NRXN3: variants seen among roughly 807,000 people sequenced by gnomAD.
NRXN3 encodes the protein neurexin III.
NRXN3 carries 32 observed loss-of-function variants against 137.6 expected under a neutral mutation model. The ratio of observed to expected loss-of-function variants is 0.23; its 90% CI spans 0.18 to 0.31. The LOEUF is 0.31. NRXN3 is among the 10% of genes least tolerant of loss of function. The pLI, the probability that NRXN3 is intolerant of heterozygous loss-of-function variation, is 1.00. For missense variants in NRXN3, 1,574 were observed against 2,062.5 expected (o/e 0.76, Z 4.59); for synonymous variants, 798 against 784.5 (o/e 1.02, Z -0.29).
intron 16 of NRXN3, among the ~76,000 whole-genome samples, chr14:79,499,263 C>T (rs1286136489): frequency 6.6e-6 from 1 of 152,154 alleles, no homozygotes; most frequent in African/African-American, 2.4e-5. Flanking sequence ...CCACATCTAC[C>T]ACACCCTGGG....
At chr14:78,201,822 G>A (rs753502558) in intron 1 of NRXN3, among the ~76,000 whole-genome samples, 1 of 152,158 alleles carries the variant, frequency 6.6e-6, no homozygotes, top group Admixed American at 6.5e-5. Context: ...GCTGTCAGCC[G>A]CTCCGACATG....
At chr14:78,282,150 G>A (rs757615004) in intron 3 of NRXN3, 13 of 502,066 alleles carry the variant, frequency 2.6e-5, no homozygotes, top group Non-Finnish European at 4.0e-6. Context: ...ACCCCTGTCA[G>A]GTGCCTTATC....
At chr14:78,702,215 C>T (rs1382736749) in intron 6 of NRXN3, among the ~76,000 whole-genome samples, 4 of 151,692 alleles carry the variant, frequency 2.6e-5, no homozygotes, top group South Asian at 4.1e-4. Context: ...GTGTGTGCAT[C>T]TCATAAATGT....
In NRXN3 at chr14:78,595,076, G is replaced by A. The variant is rs147781518; in HGVS notation, c.758-50044G>A. On this transcript the variant is annotated intron_variant, in intron 4 of 20. Coordinates refer to ENST00000335750, the MANE Select transcript of NRXN3 (RefSeq NM_001330195.2). ...TTGTAAAGGGAGATACAGACAAAAA[G>A]CAAGAGAGCTAAGAAGAAAATGAAA... Among the ~76,000 whole-genome samples the A allele has an allele frequency of 3.2e-3, 491 of 152,320 alleles. 2 individuals are homozygous for A. Among genetic ancestry groups the A allele is most frequent in the Non-Finnish European group, 5.5e-3 (375 of 68,018 alleles).
intron 20 of NRXN3, among the ~76,000 whole-genome samples, chr14:79,851,598 G>T (rs2099391539): frequency 6.6e-6 from 1 of 152,126 alleles, no homozygotes; most frequent in South Asian, 2.1e-4. Context: ...GTTCTTAGGA[G>T]TGGTTGGAAT....
At chr14:78,288,744 T>C (rs1454615127) in intron 3 of NRXN3, among the ~76,000 whole-genome samples, 1 of 152,214 alleles carries the variant, frequency 6.6e-6, no homozygotes, top group Non-Finnish European at 1.5e-5. Flanking sequence ...CCTTTGTCTC[T>C]CTGTCTTCCA....
Position 78,348,754 on chromosome 14 carries a change from T to C in NRXN3, c.757+50894T>C, listed in dbSNP as rs118047573. Reference sequence around the variant, plus strand: ...AGAAACTCTGGGGGCGGAATCCACCTCTCTGTGTTTTCATGAGCTCTGTGG... The same window carrying C: ...AGAAACTCTGGGGGCGGAATCCACCCCTCTGTGTTTTCATGAGCTCTGTGG... On this transcript the variant is annotated intron_variant, in intron 4 of 20. Transcript: ENST00000335750. 2.5e-4 allele frequency among the ~76,000 whole-genome samples: 38 copies of C among 152,254 alleles called. No homozygotes were observed. The East Asian group carries it at 6.8e-3, about 27-fold the overall frequency.
At chr14:79,509,825 A>T (rs1314877434) in intron 16 of NRXN3, among the ~76,000 whole-genome samples, 2 of 152,202 alleles carry the variant, frequency 1.3e-5, no homozygotes, top group Non-Finnish European at 2.9e-5. Context: ...TTTAAAAATC[A>T]AAGTTAGGAC....
At chr14:79,124,615 A>G (rs779683208) in intron 15 of NRXN3, among the ~76,000 whole-genome samples, 4 of 152,174 alleles carry the variant, frequency 2.6e-5, no homozygotes, top group Admixed American at 6.5e-5. Context: ...ACTGTTAAAT[A>G]AACGTGAGTG....
At chr14:79,555,973 A>G (rs2097425552) in intron 16 of NRXN3, among the ~76,000 whole-genome samples, 1 of 152,170 alleles carries the variant, frequency 6.6e-6, no homozygotes, top group African/African-American at 2.4e-5. Flanking sequence ...CTTTTCAGTC[A>G]ACCTCAATGG....
chr14:78,183,964 C>CT (rs962484987), intron 1 of NRXN3, among the ~76,000 whole-genome samples: 1 of 152,134 alleles, frequency 6.6e-6, no homozygotes, highest in African/African-American at 2.4e-5. Flanking sequence ...ATGACAGTCA[C>CT]TTTTTTCTTT....
At chr14:79,279,750 C>G in intron 15 of NRXN3, 1 of 987,802 alleles carries the variant, frequency 1.0e-6, no homozygotes, top group Non-Finnish European at 1.2e-6. Context: ...AACTCTTCCA[C>G]CTGCAGCCCC....
chr14:78,848,032 A>G (rs528139427), intron 10 of NRXN3, among the ~76,000 whole-genome samples: 1 of 152,238 alleles, frequency 6.6e-6, no homozygotes, highest in Non-Finnish European at 1.5e-5. Flanking sequence ...CCTCTGGCTA[A>G]GAACTTATCT....
intron 16 of NRXN3, among the ~76,000 whole-genome samples, chr14:79,546,738 A>G (rs1377762745): frequency 3.3e-5 from 5 of 152,144 alleles, no homozygotes. Context: ...TTCCTGATAT[A>G]CACATTTATC....
At chr14:79,380,156 T>C (rs2094426409) in intron 15 of NRXN3, among the ~76,000 whole-genome samples, 1 of 149,706 alleles carries the variant, frequency 6.7e-6, no homozygotes, top group Non-Finnish European at 1.5e-5. Flanking sequence ...CTTCTTTTTT[T>C]TTTTTTTTTT....
intron 10 of NRXN3, among the ~76,000 whole-genome samples, chr14:78,829,632 CAA>C (rs1444538061): frequency 2.0e-5 from 3 of 152,140 alleles, no homozygotes; most frequent in South Asian, 2.1e-4. Context: ...AGAATCAACT[CAA>C]GTTTATTTTA....
chr14:78,378,407 C>T (rs1422451921), intron 4 of NRXN3, among the ~76,000 whole-genome samples: 1 of 150,754 alleles, frequency 6.6e-6, no homozygotes, highest in Non-Finnish European at 1.5e-5. Context: ...ATCGCTTGAA[C>T]CCGGGACGTG....
chr14:78,469,692 C>A (rs1376666502), intron 4 of NRXN3, among the ~76,000 whole-genome samples: 1 of 152,132 alleles, frequency 6.6e-6, no homozygotes. Flanking sequence ...GGTGGGAAAT[C>A]GCCCTGAAAA....
chr14:79,260,691 C>A (rs1416801485), intron 15 of NRXN3, among the ~76,000 whole-genome samples: 1 of 152,000 alleles, frequency 6.6e-6, no homozygotes, highest in Non-Finnish European at 1.5e-5. Context: ...AGCAGGCAGC[C>A]CTCAGTTTCC....
Sources: allele counts gnomAD v4.1 joint callset (sites outside exome capture counted in the v4.1 genomes callset), GRCh38; gene constraint gnomAD v4.1.1; transcripts MANE v1.5; gene names NCBI Gene and HGNC (gene_info 2026-07-23, HGNC 2026-07-21).